Variants in KIF2B observed in about 807,000 individuals in gnomAD.
The protein encoded by KIF2B is kinesin family member 2B.
KIF2B carries 5 observed loss-of-function variants against 6.8 expected under a neutral mutation model. The observed-to-expected ratio is 0.74, with a 90% confidence interval of 0.39 to 1.55. The LOEUF is 1.55. Ranked by LOEUF, KIF2B falls within the 40% of genes most tolerant of loss-of-function variation. The probability of loss-of-function intolerance (pLI) is 0.03; values close to 1 mark genes in which losing one functional copy is unlikely to be tolerated. For missense variants in KIF2B, 908 were observed against 831.3 expected, an observed-to-expected ratio of 1.09 and a Z score of -1.13; for synonymous variants, 370 against 330.7, an observed-to-expected ratio of 1.12 and a Z score of -1.29.
At position 53,824,481 on chromosome 17, in the gene KIF2B, T is replaced by C; in HGVS notation, c.1448T>C (p.Leu483Pro). The change falls in exon 1 of 1, where the codon CTG becomes CCG. Residue 483 changes from leucine to proline, a missense_variant. Transcript: ENST00000268919. Reference sequence around the variant, plus strand: ...CTTCTAGCCCTCAAAGAATGTATTCTGGCTTTGGGTCAGAACAAGCCTCAC... The same window carrying C: ...CTTCTAGCCCTCAAAGAATGTATTCCGGCTTTGGGTCAGAACAAGCCTCAC... ...KSLLALKECI[L>P]ALGQNKPHTP... is the part of the protein sequence containing the mutation. 1 of 1,614,164 alleles carries C rather than the reference T, an allele frequency of 6.2e-7. No individual in the cohort carries two copies. Among genetic ancestry groups the C allele is most frequent in the Non-Finnish European group, 8.5e-7 (1 of 1,180,032 alleles).
rs2143780670 is a variant in KIF2B, at chr17:53,823,610, G to A, written c.577G>A (p.Glu193Lys). ...PNYEIMHMIEEYRRHLDSSKI... is the reference protein window; with the variant it reads ...PNYEIMHMIEKYRRHLDSSKI... ...CTACGAAATCATGCACATGATCGAA[G>A]AGTATCGCAGGCACCTGGACAGCAG... The change falls in exon 1 of 1, where the codon GAG becomes AAG. Residue 193 changes from glutamate to lysine, a missense_variant. Transcript: ENST00000268919. 2 of 1,613,322 alleles carry A rather than the reference G, an allele frequency of 1.2e-6. No homozygotes were observed. The highest frequency in any genetic ancestry group is 1.7e-6 in the Non-Finnish European group (2 of 1,180,048).
At position 53,822,977 on chromosome 17, in the gene KIF2B, C is replaced by A. The variant is rs1389706193; in HGVS notation, c.-57C>A. ...CCGGGCGCTTCAGGCTGGCTTGGGTCCTGCTGCTCCAACCCCAAGGGCCCT... is the reference window on the plus strand; with the variant it reads ...CCGGGCGCTTCAGGCTGGCTTGGGTACTGCTGCTCCAACCCCAAGGGCCCT... On this transcript the variant is annotated 5_prime_UTR_variant, in exon 1 of 1. Coordinates refer to ENST00000268919, the MANE Select transcript of KIF2B (RefSeq NM_032559.5). The A allele has an allele frequency of 3.3e-6, 5 of 1,499,508 alleles. No individual in the cohort carries two copies. The Admixed American group carries it at 5.5e-5, about 17-fold the overall frequency. The allele number at this position is 1,499,508 out of a possible 1,614,324, so 92.9% of individuals were successfully genotyped here.
chr17:53,823,883 G>A lies in KIF2B; in HGVS notation c.850G>A (p.Ala284Thr), dbSNP rs776017105. 27 of 1,614,072 alleles carry A rather than the reference G, an allele frequency of 1.7e-5. No homozygotes were observed. The highest frequency in any genetic ancestry group is 1.6e-4 in the South Asian group (15 of 91,092). ...CAACGAGTTGGTGTACCAGTTCACC[G>A]CCCAGCCACTGGTGGAGTCCATCTT... ...ASNELVYQFT[A>T]QPLVESIFRK... The change falls in exon 1 of 1, where the codon GCC (alanine) becomes ACC (threonine). Residue 284 changes from alanine to threonine, a missense_variant. Physicochemically the swap from Ala to Thr is moderately conservative, Grantham distance 58 (BLOSUM62 0). Coordinates refer to ENST00000268919, the MANE Select transcript of KIF2B (RefSeq NM_032559.5).
rs146225806 is a variant in KIF2B, at chr17:53,824,813, G to A, written c.1780G>A (p.Glu594Lys). 1 of 1,613,938 alleles carries A rather than the reference G, an allele frequency of 6.2e-7. No individual in the cohort carries two copies. The highest frequency in any genetic ancestry group is 8.5e-7 in the Non-Finnish European group (1 of 1,179,906). ...IPYVQSEEQKEIEEVETLPTL... is the reference protein window; with the variant it reads ...IPYVQSEEQKKIEEVETLPTL... ...TTATGTACAGAGTGAGGAGCAGAAA[G>A]AGATTGAAGAGGTTGAAACATTACC... Residue 594 changes from glutamate (E) to lysine (K), a missense_variant, in exon 1 of 1, where the codon GAG becomes AAG. Glu to Lys is a moderately conservative substitution (Grantham distance 56, BLOSUM62 1). Transcript: ENST00000268919.
chr17:53,823,132 G>A lies in KIF2B; in HGVS notation c.99G>A (p.Ala33=), dbSNP rs114564922. ...FGDIQEGIYV[A]IQRSDKRIHL... is the part of the protein sequence containing the mutation. The stretch of plus-strand genomic sequence containing the variant: ...ACATCCAAGAGGGCATCTACGTGGC[G>A]ATCCAGCGCAGTGACAAGCGGATCC... The change falls in exon 1 of 1, where the codon GCG becomes GCA. Residue 33 remains alanine (A), a synonymous_variant. Coordinates refer to ENST00000268919, the MANE Select transcript of KIF2B (RefSeq NM_032559.5). 1.2e-3 allele frequency: 1,889 copies of A among 1,614,152 alleles called. 17 individuals are homozygous for A. In the African/African-American group the frequency reaches 0.022, roughly 19 times the overall value.
chr17:53,823,888 G>A lies in KIF2B; in HGVS notation c.855G>A (p.Gln285=), dbSNP rs762437302. The part of the protein sequence containing the change: ...SNELVYQFTA[Q]PLVESIFRKG... ...AGTTGGTGTACCAGTTCACCGCCCA[G>A]CCACTGGTGGAGTCCATCTTCCGCA... Residue 285 remains glutamine (Q), a synonymous_variant, in exon 1 of 1, where the codon CAG becomes CAA. Coordinates refer to ENST00000268919, the MANE Select transcript of KIF2B (RefSeq NM_032559.5). 6.2e-7 allele frequency: 1 copy of A among 1,614,258 alleles called. No individual in the cohort carries two copies. Among genetic ancestry groups the A allele is most frequent in the South Asian group, 1.1e-5 (1 of 91,088 alleles).
chr17:53,824,264 C>T lies in KIF2B; in HGVS notation c.1231C>T (p.Arg411Trp), dbSNP rs369652469. ...CCTGGTGGAAATAGGGAATAGCTGT[C>T]GGACTTCCAGGCAAACACCTGTCAA... Reference protein sequence around the residue: ...LNLVEIGNSCRTSRQTPVNAH... With the variant: ...LNLVEIGNSCWTSRQTPVNAH... Residue 411 changes from arginine (R) to tryptophan (W), a missense_variant, in exon 1 of 1, where the codon CGG becomes TGG. By Grantham distance (101) the Arg-to-Trp change is moderately radical. Transcript: ENST00000268919. 1.4e-5 allele frequency: 23 copies of T among 1,613,934 alleles called. No homozygotes were observed. The highest frequency in any genetic ancestry group is 6.7e-5 in the East Asian group (3 of 44,882).
rs2143784596 is a variant in KIF2B at position 53,824,299 on chromosome 17, A to T, written c.1266A>T (p.Ser422=). ...GGCAAACACCTGTCAACGCTCACTC[A>T]TCCAGGAGCCATGCAGTGTTCCAGA... ...TSRQTPVNAH[S]SRSHAVFQII... Residue 422 remains serine, a synonymous_variant, in exon 1 of 1, where the codon TCA becomes TCT. Transcript: ENST00000268919. 1 of 1,614,104 alleles carries T rather than the reference A, an allele frequency of 6.2e-7. No individual in the cohort carries two copies. Among genetic ancestry groups the T allele is most frequent in the Non-Finnish European group, 8.5e-7 (1 of 1,180,004 alleles).
In KIF2B at chr17:53,824,855, G is replaced by A. The variant is rs1186585823; in HGVS notation, c.1822G>A (p.Asp608Asn). Residue 608 changes from aspartate (D) to asparagine (N), a missense_variant, in exon 1 of 1, where the codon GAT becomes AAT. Asp to Asn is a conservative substitution (Grantham distance 23). Coordinates refer to ENST00000268919, the MANE Select transcript of KIF2B (RefSeq NM_032559.5). ...AACATTACCCACTCTGTTAGGGAAG[G>A]ATACCACAATTTCAGGGAAGGGATC... ...VETLPTLLGK[D>N]TTISGKGSSQ... 5.6e-6 allele frequency: 9 copies of A among 1,613,904 alleles called. No individual in the cohort carries two copies. The highest frequency in any genetic ancestry group is 6.8e-6 in the Non-Finnish European group (8 of 1,179,960).
chr17:53,825,165 C>A lies in KIF2B; in HGVS notation c.*110C>A. 2 of 726,098 alleles carry A rather than the reference C, an allele frequency of 2.8e-6. No individual in the cohort carries two copies. The highest frequency in any genetic ancestry group is 4.6e-6 in the Non-Finnish European group (2 of 437,070). 45.0% of individuals were successfully genotyped at this position (726,098 alleles called of 1,614,324 possible). A position where few individuals can be genotyped will look rare whatever the true frequency, so the allele number is the denominator to read the frequency against. On this transcript the variant is annotated 3_prime_UTR_variant, in exon 1 of 1. Transcript: ENST00000268919. ...AAAGATCCTCCTGAGAAGCTTAAAA[C>A]ATCTTAAAATACACTGATGGGAAAC...
rs74796643 is a variant in KIF2B, at chr17:53,825,166, A to G, written c.*111A>G. ...AAGATCCTCCTGAGAAGCTTAAAAC[A>G]TCTTAAAATACACTGATGGGAAACA... On this transcript the variant is annotated 3_prime_UTR_variant, in exon 1 of 1. Coordinates refer to ENST00000268919, the MANE Select transcript of KIF2B (RefSeq NM_032559.5). 0.025 allele frequency: 17,483 copies of G among 703,346 alleles called. 316 individuals carry two copies. Among genetic ancestry groups the G allele is most frequent in the Non-Finnish European group, 0.033 (13,970 of 418,166 alleles). The allele number at this position is 703,346 out of a possible 1,614,324, so 43.6% of individuals were successfully genotyped here. A position where few individuals can be genotyped will look rare whatever the true frequency, so the allele number is the denominator to read the frequency against.
At position 53,824,948 on chromosome 17, in the gene KIF2B, G is replaced by T; in HGVS notation, c.1915G>T (p.Ala639Ser). ...GVHHDIDFCI[A>S]RSLSILEQKI... Reference sequence around the variant, plus strand: ...ACACCATGATATTGATTTTTGCATTGCCCGGTCTTTGTCCATTTTGGAGCA... The same window carrying T: ...ACACCATGATATTGATTTTTGCATTTCCCGGTCTTTGTCCATTTTGGAGCA... Residue 639 changes from alanine (A) to serine (S), a missense_variant, in exon 1 of 1, where the codon GCC (alanine) becomes TCC (serine). By Grantham distance (99) the Ala-to-Ser change is moderately conservative. Transcript: ENST00000268919. 6.2e-7 allele frequency: 1 copy of T among 1,614,034 alleles called. No homozygotes were observed. Among genetic ancestry groups the T allele is most frequent in the Non-Finnish European group, 8.5e-7 (1 of 1,179,996 alleles).
In KIF2B at chr17:53,823,381, T is replaced by A. The variant is rs2143779202; in HGVS notation, c.348T>A (p.Val116=). The A allele has an allele frequency of 1.9e-6, 3 of 1,614,078 alleles. No homozygotes were observed. Among genetic ancestry groups the A allele is most frequent in the Non-Finnish European group, 2.5e-6 (3 of 1,180,006 alleles). The part of the protein sequence containing the change: ...IRDQRTATKW[V]AMIPQKNQTA... ...ACCAGCGTACCGCCACGAAATGGGT[T>A]GCGATGATCCCCCAGAAAAACCAAA... Residue 116 remains valine, a synonymous_variant, in exon 1 of 1, where the codon GTT becomes GTA. Transcript: ENST00000268919.
rs2143781797 is a variant in KIF2B at position 53,823,798 on chromosome 17, C to T, written c.765C>T (p.Leu255=). The part of the protein sequence containing the change: ...MVHESKQKVD[L]TRYLQNQTFC... The stretch of plus-strand genomic sequence containing the variant: ...ATGAGTCCAAGCAAAAGGTGGACCT[C>T]ACTCGCTACCTGCAGAACCAGACCT... Residue 255 remains leucine (L), a synonymous_variant, in exon 1 of 1, where the codon CTC becomes CTT. Coordinates refer to ENST00000268919, the MANE Select transcript of KIF2B (RefSeq NM_032559.5). 1 of 1,614,208 alleles carries T rather than the reference C, an allele frequency of 6.2e-7. No homozygotes were observed. The highest frequency in any genetic ancestry group is 1.1e-5 in the South Asian group (1 of 91,086).
In KIF2B at chr17:53,825,128, T is replaced by TC; in HGVS notation, c.*75dup. The TC allele has an allele frequency of 1.2e-6, 1 of 822,582 alleles. No individual in the cohort carries two copies. The highest frequency in any genetic ancestry group is 1.8e-6 in the Non-Finnish European group (1 of 561,124). 51.0% of individuals were successfully genotyped at this position (822,582 alleles called of 1,614,324 possible). ...CCACCACTCTTATACAGGAAAACTG[T>TC]CCAAATTATCTAAAGATCCTCCTGA... On this transcript the variant is annotated 3_prime_UTR_variant, in exon 1 of 1. Transcript: ENST00000268919.
Position 53,824,795 on chromosome 17 carries a change from C to T in KIF2B, c.1762C>T (p.Gln588Ter), listed in dbSNP as rs200509620. Residue 588 changes from glutamine to a stop codon, truncating the protein, a stop_gained, in exon 1 of 1, where the codon CAG becomes TAG. Transcript: ENST00000268919. LOFTEE classifies it low-confidence loss of function (END_TRUNC). The stretch of plus-strand genomic sequence containing the variant: ...TGAATTTATTAAAATACCTTATGTA[C>T]AGAGTGAGGAGCAGAAAGAGATTGA... ...RDEFIKIPYVQSEEQKEIEEV... is the reference protein window; with the variant it reads ...RDEFIKIPYV 1.7e-5 allele frequency: 28 copies of T among 1,613,882 alleles called. No homozygotes were observed. The highest frequency in any genetic ancestry group is 1.6e-4 in the Middle Eastern group (1 of 6,062).
In KIF2B at chr17:53,823,056, C is replaced by T. The variant is rs753023014; in HGVS notation, c.23C>T (p.Pro8Leu). Residue 8 changes from proline to leucine, a missense_variant, in exon 1 of 1, where the codon CCT becomes CTT. By Grantham distance (98) the Pro-to-Leu change is moderately conservative. Coordinates refer to ENST00000268919, the MANE Select transcript of KIF2B (RefSeq NM_032559.5). MASQFCL[P>L]ESPCLSPLKP... ...ACCATGGCCAGCCAGTTCTGCCTCC[C>T]TGAATCCCCATGTCTCTCGCCCCTG... 1 of 1,613,924 alleles carries T rather than the reference C, an allele frequency of 6.2e-7. No individual in the cohort carries two copies. Among genetic ancestry groups the T allele is most frequent in the South Asian group, 1.1e-5 (1 of 91,072 alleles).
rs2143786122 is a variant in KIF2B, at chr17:53,824,608, C to G, written c.1575C>G (p.Thr525=). The stretch of plus-strand genomic sequence containing the variant: ...TTGCTACCATCTCTCCGGGGATGAC[C>G]TCTTGTGAAAACACTCTCAACACTT... ...CMIATISPGM[T]SCENTLNTLR... is the part of the protein sequence containing the mutation. The change falls in exon 1 of 1, where the codon ACC becomes ACG. Residue 525 remains threonine (T), a synonymous_variant. Transcript: ENST00000268919. 6.2e-7 allele frequency: 1 copy of G among 1,614,070 alleles called. No homozygotes were observed. Among genetic ancestry groups the G allele is most frequent in the Non-Finnish European group, 8.5e-7 (1 of 1,179,998 alleles).
rs747891960 is a variant in KIF2B at position 53,823,839 on chromosome 17, C to A, written c.806C>A (p.Ala269Asp). 1 of 1,614,242 alleles carries A rather than the reference C, an allele frequency of 6.2e-7. No individual in the cohort carries two copies. The highest frequency in any genetic ancestry group is 8.5e-7 in the Non-Finnish European group (1 of 1,180,042). Reference protein sequence around the residue: ...LQNQTFCFDHAFDDKASNELV... With the variant: ...LQNQTFCFDHDFDDKASNELV... ...AACCAGACCTTCTGCTTCGACCATG[C>A]CTTCGATGACAAAGCCTCCAACGAG... The change falls in exon 1 of 1, where the codon GCC (alanine) becomes GAC (aspartate). Residue 269 changes from alanine (A) to aspartate (D), a missense_variant. Ala to Asp is a moderately radical substitution (Grantham distance 126). Transcript: ENST00000268919.
Sources: allele counts gnomAD v4.1 joint callset, GRCh38; gene constraint gnomAD v4.1.1; transcripts MANE v1.5; gene names NCBI Gene and HGNC (gene_info 2026-07-23, HGNC 2026-07-21).